Variants in GRIA3 observed in about 807,000 individuals in gnomAD.
GRIA3 encodes the protein glutamate receptor 3.
A neutral mutation model predicts 63.0 loss-of-function variants in GRIA3; 3 were observed. The ratio of observed to expected loss-of-function variants is 0.05; its 90% confidence interval spans 0.02 to 0.12. GRIA3 has a LOEUF of 0.12. Ranked by LOEUF, GRIA3 falls within the 10% of genes least tolerant of loss-of-function variation. The pLI is 1.00. For missense variants in GRIA3, 347 were observed against 700.9 expected, an observed-to-expected ratio of 0.50 and a Z score of 5.70; for synonymous variants, 274 against 257.9, an observed-to-expected ratio of 1.06 and a Z score of -0.60.
intron 13 of GRIA3, among the ~76,000 whole-genome samples, chrX:123,466,349 A>T (rs772680643): frequency 8.9e-6 from 1 of 112,015 alleles, no homozygotes; most frequent in African/African-American, 3.2e-5. Context: ...CTCGGTTTCA[A>T]GTTAAATGGG....
chrX:123,204,865 G>A (rs1175363318), intron 2 of GRIA3, among the ~76,000 whole-genome samples: 1 of 111,772 alleles, frequency 8.9e-6, no homozygotes, highest in Non-Finnish European at 1.9e-5. Context: ...CTCTTCTTAG[G>A]CTTTTCTGAG....
intron 2 of GRIA3, among the ~76,000 whole-genome samples, chrX:123,216,393 C>G (rs989702616): frequency 8.9e-6 from 1 of 112,147 alleles, no homozygotes; most frequent in Non-Finnish European, 1.9e-5. Flanking sequence ...TACATAGAAC[C>G]TTACCTTTCC....
chrX:123,490,277 C>G lies in GRIA3; in HGVS notation c.*1567C>G, dbSNP rs1022534061. The G allele has an allele frequency of 8.9e-6, 1 of 112,837 alleles. No homozygotes were observed. The highest frequency in any genetic ancestry group is 1.9e-5 in the Non-Finnish European group (1 of 53,361). 9.3% of individuals were successfully genotyped at this position (112,837 alleles called of 1,213,427 possible). A position where few individuals can be genotyped will look rare whatever the true frequency, so the allele number is the denominator to read the frequency against. On this transcript the variant is annotated 3_prime_UTR_variant, in exon 16 of 16. Transcript: ENST00000620443. ...AGAAAAGAAAGGAAGAAGTATCGTT[C>G]CAACGAAATGTTTCCAGAAAAGTGT...
intron 4 of GRIA3, among the ~76,000 whole-genome samples, chrX:123,352,434 G>T (rs2045102584): frequency 1.8e-5 from 2 of 112,247 alleles, no homozygotes; most frequent in African/African-American, 6.5e-5. Flanking sequence ...TTCTGATATA[G>T]GCAGGGCCAG....
intron 5 of GRIA3, among the ~76,000 whole-genome samples, chrX:123,382,873 CT>C (rs1198778465): frequency 1.8e-5 from 2 of 111,853 alleles, no homozygotes; most frequent in Admixed American, 9.5e-5. Flanking sequence ...GAGTATGAAG[CT>C]TATCAAAGTG....
chrX:123,377,090 A>G lies in GRIA3; in HGVS notation c.751-17878A>G, dbSNP rs769319147. Among the ~76,000 whole-genome samples the G allele has an allele frequency of 1.1e-4, 12 of 109,347 alleles. No individual in the cohort carries two copies. In the East Asian group the frequency reaches 3.2e-3, roughly 29 times the overall value. The allele number at this position is 109,347 out of a possible 115,157, so 95.0% of individuals were successfully genotyped here. The stretch of plus-strand genomic sequence containing the variant: ...GCTGGGACTATAGGCGCCCGCCACC[A>G]TGCCCGGCTAATTTTTTTTATATTT... On this transcript the variant is annotated intron_variant, in intron 5 of 15. Coordinates refer to ENST00000620443, the MANE Select transcript of GRIA3 (RefSeq NM_007325.5).
intron 4 of GRIA3, among the ~76,000 whole-genome samples, chrX:123,326,961 ACT>A (rs1307652555): frequency 1.9e-5 from 2 of 105,980 alleles, no homozygotes; most frequent in Non-Finnish European, 3.9e-5. Context: ...ACAGAGCAAG[ACT>A]CTGTCTCAAA....
At chrX:123,314,406 T>G (rs916327903) in intron 3 of GRIA3, among the ~76,000 whole-genome samples, 2 of 112,098 alleles carry the variant, frequency 1.8e-5, no homozygotes, top group African/African-American at 6.5e-5. Context: ...ATGAAGGAAC[T>G]ACACACAATC....
intron 10 of GRIA3, among the ~76,000 whole-genome samples, chrX:123,409,995 C>T (rs147282617): frequency 1.8e-5 from 2 of 111,558 alleles, no homozygotes; most frequent in East Asian, 5.6e-4. Context: ...ATACAGCATC[C>T]CCACCTGGCT....
intron 3 of GRIA3, among the ~76,000 whole-genome samples, chrX:123,305,451 A>G (rs1303785786): frequency 8.9e-6 from 1 of 112,556 alleles, no homozygotes; most frequent in Non-Finnish European, 1.9e-5. Context: ...GATTTTCTAC[A>G]CATACCCAAA....
At chrX:123,425,474 G>C (rs975650166) in intron 11 of GRIA3, among the ~76,000 whole-genome samples, 2 of 112,063 alleles carry the variant, frequency 1.8e-5, no homozygotes, top group Admixed American at 9.5e-5. Flanking sequence ...TACTATGGAT[G>C]TTTCTTTGGA....
At chrX:123,306,919 G>A (rs745367480) in intron 3 of GRIA3, among the ~76,000 whole-genome samples, 5 of 111,956 alleles carry the variant, frequency 4.5e-5, no homozygotes, top group African/African-American at 9.8e-5. Context: ...AATTGGGGAA[G>A]ATGCTTTGTG....
At chrX:123,294,912 T>G (rs1168556679) in intron 3 of GRIA3, among the ~76,000 whole-genome samples, 3 of 112,056 alleles carry the variant, frequency 2.7e-5, no homozygotes, top group African/African-American at 9.7e-5. Flanking sequence ...ATGTATATGT[T>G]TTTAATTTTT....
intron 11 of GRIA3, 136 bp downstream of exon 11, chrX:123,417,914 C>A: frequency 1.7e-6 from 1 of 605,729 alleles, no homozygotes; most frequent in Non-Finnish European, 2.7e-6. Context: ...TATCATCAAG[C>A]CATTGTGTTT....
At chrX:123,259,492 TACACACACACTCATGCGCGCGCAC>T (rs1228632697) in intron 3 of GRIA3, among the ~76,000 whole-genome samples, 28 of 52,415 alleles carry the variant, frequency 5.3e-4, no homozygotes, top group Non-Finnish European at 1.0e-3. Context: ...TCTTTCTCTC[TACACACACACTCATGCGCGCGCAC>T]ACACACACAC....
At chrX:123,202,627 C>T (rs778971301) in intron 2 of GRIA3, 20 of 1,163,086 alleles carry the variant, frequency 1.7e-5, no homozygotes, top group Non-Finnish European at 2.3e-5. Flanking sequence ...CACCTTGTCA[C>T]CCCCACAGGT....
intron 12 of GRIA3, among the ~76,000 whole-genome samples, chrX:123,456,744 A>G (rs183289267): frequency 1.3e-3 from 143 of 111,691 alleles, no homozygotes; most frequent in African/African-American, 4.5e-3. Flanking sequence ...TCCTTCTAGC[A>G]CCTTGCCTTG....
At chrX:123,425,772 C>A (rs775816209) in intron 11 of GRIA3, among the ~76,000 whole-genome samples, 3 of 111,477 alleles carry the variant, frequency 2.7e-5, no homozygotes, top group African/African-American at 9.8e-5. Flanking sequence ...TAAAAGTGAT[C>A]ATGTTCAGGA....
At chrX:123,185,511 G>T (rs1484807837) in intron 1 of GRIA3, among the ~76,000 whole-genome samples, 2 of 102,927 alleles carry the variant, frequency 1.9e-5, no homozygotes, top group Non-Finnish European at 4.0e-5. Context: ...GGGGCGGAGG[G>T]GGGGGGCGAC....
Sources: gnomAD v4.1 joint callset for allele counts (sites outside exome capture counted in the v4.1 genomes callset) on GRCh38, gnomAD v4.1.1 for gene constraint, MANE v1.5 for transcripts, NCBI Gene and HGNC (gene_info 2026-07-23, HGNC 2026-07-21) for gene names.